Variants in GSPT1 observed in about 807,000 individuals in gnomAD.
The protein encoded by GSPT1 is eukaryotic peptide chain release factor GTP-binding subunit ERF3A.
In GSPT1, 20 loss-of-function variants were observed where a neutral mutation model predicts 72.5. The observed-to-expected ratio is 0.28, with a 90% CI of 0.19 to 0.40. GSPT1 has a LOEUF of 0.40. Ranked by LOEUF, GSPT1 falls within the 10% of genes least tolerant of loss-of-function variation. The pLI, the probability that GSPT1 is intolerant of heterozygous loss-of-function variation, is 1.00. For synonymous variants in GSPT1, 334 were observed against 293.5 expected (o/e 1.14, Z -1.41); for missense variants, 580 against 811.9 (o/e 0.71, Z 3.47).
At chr16:11,899,500 G>C (rs1184378629) in intron 1 of GSPT1, among the ~76,000 whole-genome samples, 2 of 151,988 alleles carry the variant, frequency 1.3e-5, no homozygotes, top group Non-Finnish European at 2.9e-5. Flanking sequence ...GGAGGGGATG[G>C]GGGCTACACC....
At chr16:11,902,995 G>A (rs1177610347) in intron 1 of GSPT1, among the ~76,000 whole-genome samples, 2 of 151,946 alleles carry the variant, frequency 1.3e-5, no homozygotes, top group African/African-American at 2.4e-5. Context: ...GGGATTACAC[G>A]TGTGAGCCAC....
intron 5 of GSPT1, among the ~76,000 whole-genome samples, chr16:11,893,683 C>T (rs925898391): frequency 6.6e-6 from 1 of 152,058 alleles, no homozygotes. Context: ...CATGTAGAAA[C>T]CCAGTGTGAC....
At chr16:11,885,421 C>G (rs2054175682) in intron 9 of GSPT1, 147 bp from the exon 10 acceptor site, 1 of 586,390 alleles carries the variant, frequency 1.7e-6, no homozygotes, top group Non-Finnish European at 3.1e-6. Flanking sequence ...TTTCATCTCA[C>G]TTATTCCACA....
At chr16:11,893,698 C>G (rs570392127) in intron 5 of GSPT1, among the ~76,000 whole-genome samples, 1 of 152,178 alleles carries the variant, frequency 6.6e-6, no homozygotes, top group Admixed American at 6.5e-5. Flanking sequence ...TGTGACGCCA[C>G]CAAAACTTAC....
At chr16:11,896,519 A>C in intron 4 of GSPT1, 39 bp downstream of exon 4, 1 of 1,087,650 alleles carries the variant, frequency 9.2e-7, no homozygotes, top group South Asian at 1.3e-5. Flanking sequence ...TCTATGTTTT[A>C]TGTATCCAGT....
intron 1 of GSPT1, among the ~76,000 whole-genome samples, chr16:11,913,767 G>A (rs796481905): frequency 1.3e-5 from 2 of 152,198 alleles, no homozygotes; most frequent in Non-Finnish European, 2.9e-5. Flanking sequence ...ATGGCTTGAT[G>A]TAAGTCAAGA....
intron 5 of GSPT1, 142 bp from the exon 6 acceptor site, chr16:11,891,281 A>T (rs921757889): frequency 3.8e-6 from 1 of 262,114 alleles, no homozygotes; most frequent in Non-Finnish European, 7.0e-6. Flanking sequence ...AAAAATATAA[A>T]ATATATATAT....
At chr16:11,878,777 A>C (rs1201922554) in intron 11 of GSPT1, among the ~76,000 whole-genome samples, 1 of 152,040 alleles carries the variant, frequency 6.6e-6, no homozygotes, top group Non-Finnish European at 1.5e-5. Flanking sequence ...TTACTACATC[A>C]ATAATGCTAT....
intron 1 of GSPT1, among the ~76,000 whole-genome samples, chr16:11,901,603 C>T (rs768903605): frequency 1.5e-4 from 21 of 143,956 alleles, no homozygotes; most frequent in Non-Finnish European, 2.5e-4. Context: ...TGGTGAAACC[C>T]CATCTCCACA....
chr16:11,905,480 T>C (rs540966643), intron 1 of GSPT1, among the ~76,000 whole-genome samples: 9 of 152,282 alleles, frequency 5.9e-5, no homozygotes, highest in Non-Finnish European at 1.2e-4. Context: ...GTCCATCCCC[T>C]ACCCTGAAGG....
At position 11,877,742 on chromosome 16, in the gene GSPT1, A is replaced by C. The variant is rs2054066036; in HGVS notation, c.1429-162T>G. Among the ~76,000 whole-genome samples the C allele has an allele frequency of 6.6e-6, 1 of 152,212 alleles. No individual in the cohort carries two copies. Among genetic ancestry groups the C allele is most frequent in the Non-Finnish European group, 1.5e-5 (1 of 68,042 alleles). On this transcript the variant is annotated intron_variant, in intron 11 of 14. Transcript: ENST00000434724. The surrounding 1 kb of genome is among the most constrained non-coding windows in gnomAD (Gnocchi z 4.0). The stretch of plus-strand genomic sequence containing the variant: ...TCTTAGCCTAGATATGATCAGCAAA[A>C]ATCATATCCTAGAAGTATAACTGCC...
At chr16:11,874,982 G>T (rs1481096167) in intron 14 of GSPT1, among the ~76,000 whole-genome samples, 1 of 152,190 alleles carries the variant, frequency 6.6e-6, no homozygotes, top group Non-Finnish European at 1.5e-5. Context: ...ACGAGGTCAG[G>T]AGATCAAGAC....
Position 11,877,387 on chromosome 16 carries a change from A to C in GSPT1, c.1602+20T>G. The C allele has an allele frequency of 6.5e-7, 1 of 1,530,154 alleles. No individual in the cohort carries two copies. The highest frequency in any genetic ancestry group is 8.8e-7 in the Non-Finnish European group (1 of 1,131,828). 94.8% of individuals were successfully genotyped at this position (1,530,154 alleles called of 1,614,324 possible). ...TTTAGACATTAAAACCCACTATGAC[A>C]ACAACAATAATTTGTTTACCTGGGC... On this transcript the variant is annotated intron_variant, in intron 12 of 14. Coordinates refer to ENST00000434724, the MANE Select transcript of GSPT1 (RefSeq NM_002094.4). This position sits in a 1 kb window ranked among gnomAD's most constrained non-coding sequence, Gnocchi z 4.0.
intron 2 of GSPT1, 49 bp downstream of exon 2, chr16:11,897,945 A>G: frequency 6.9e-7 from 1 of 1,445,772 alleles, no homozygotes; most frequent in Non-Finnish European, 9.5e-7. Flanking sequence ...CACACCATAT[A>G]GACAACCTAA....
At position 11,875,743 on chromosome 16, in the gene GSPT1, C is replaced by T. The variant is rs1243932186; in HGVS notation, c.1861+18G>A. 6.3e-7 allele frequency: 1 copy of T among 1,579,462 alleles called. No homozygotes were observed. The highest frequency in any genetic ancestry group is 1.9e-5 in the Admixed American group (1 of 51,540). ...GTATCCTGGATATACTACTAGACGT[C>T]AGTTTAAAAGCTCTTACCCTCATCT... On this transcript the variant is annotated intron_variant, in intron 14 of 14. Coordinates refer to ENST00000434724, the MANE Select transcript of GSPT1 (RefSeq NM_002094.4).
In GSPT1 at chr16:11,871,885, T is replaced by C. The variant is rs1025899611; in HGVS notation, c.*1234A>G. ...AAACCCACACAATGCTGCACTGTGG[T>C]TCATCAAAAACATGGTTAGCAAATT... is the stretch of plus-strand genomic sequence containing the variant. On this transcript the variant is annotated 3_prime_UTR_variant, in exon 15 of 15. Transcript: ENST00000434724. The C allele has an allele frequency of 6.6e-6, 1 of 152,150 alleles. No homozygotes were observed. The highest frequency in any genetic ancestry group is 1.5e-5 in the Non-Finnish European group (1 of 68,030). The allele number at this position is 152,150 out of a possible 1,614,324, so 9.4% of individuals were successfully genotyped here.
At position 11,894,155 on chromosome 16, in the gene GSPT1, C is replaced by CAAAA. The variant is rs57226427; in HGVS notation, c.698+795_698+798dup. Among the ~76,000 whole-genome samples the CAAAA allele has an allele frequency of 7.5e-4, 32 of 42,674 alleles. 1 individual carries two copies. Among genetic ancestry groups the CAAAA allele is most frequent in the East Asian group, 9.1e-4 (1 of 1,098 alleles). The allele number at this position is 42,674 out of a possible 152,430, so 28.0% of individuals were successfully genotyped here. ...TTGGTGACAGAATGAGACCCTATCT[C>CAAAA]AAAAAAAAAAAAAAAAAAAAAAAAA... is the stretch of plus-strand genomic sequence containing the variant. On this transcript the variant is annotated intron_variant, in intron 5 of 14. Transcript: ENST00000434724.
Position 11,876,033 on chromosome 16 carries a change from T to C in GSPT1, c.1692+53A>G, listed in dbSNP as rs1051215546. 7.5e-6 allele frequency: 11 copies of C among 1,461,402 alleles called. No homozygotes were observed. The African/African-American group carries it at 1.5e-4, about 20-fold the overall frequency. The allele number at this position is 1,461,402 out of a possible 1,614,324, so 90.5% of individuals were successfully genotyped here. A position where few individuals can be genotyped will look rare whatever the true frequency, so the allele number is the denominator to read the frequency against. ...TGCATCACTGTTGCTGATTAGAAAT[T>C]ATGAAGATAAAACAGTATTAAAACA... On this transcript the variant is annotated intron_variant, in intron 13 of 14. Transcript: ENST00000434724.
In GSPT1 at chr16:11,915,394, G is replaced by T; in HGVS notation, c.327C>A (p.Ala109=). The T allele has an allele frequency of 1.3e-6, 2 of 1,501,028 alleles. No individual in the cohort carries two copies. The highest frequency in any genetic ancestry group is 2.5e-5 in the South Asian group (2 of 78,784). The allele number at this position is 1,501,028 out of a possible 1,614,324, so 93.0% of individuals were successfully genotyped here. A position where few individuals can be genotyped will look rare whatever the true frequency, so the allele number is the denominator to read the frequency against. ...CCGCACGGCCTCCCGCGCCGCTGCC[G>T]GCTCCGTGGTTATTGGCGGCGCCGC... ...PVGGAANNHG[A]GSGAGGRAAP... is the part of the protein sequence containing the mutation. The change falls in exon 1 of 15, where the codon GCC becomes GCA. Residue 109 remains alanine, a synonymous_variant. Transcript: ENST00000434724.
Sources: gnomAD v4.1 joint callset for allele counts (sites outside exome capture counted in the v4.1 genomes callset) on GRCh38, gnomAD v4.1.1 for gene constraint, Gnocchi (gnomAD v3.1) non-coding constraint, MANE v1.5 for transcripts, NCBI Gene and HGNC (gene_info 2026-07-23, HGNC 2026-07-21) for gene names.